Variants in NDST4 observed in about 807,000 individuals in gnomAD.
The protein encoded by NDST4 is N-deacetylase and N-sulfotransferase 4.
Under a neutral mutation model 100.8 loss-of-function variants are expected in NDST4, and 63 were observed. The observed-to-expected ratio is 0.62, with a 90% CI of 0.51 to 0.77. The LOEUF is 0.77. NDST4 is among the 30% of genes least tolerant of loss of function. The probability of loss-of-function intolerance (pLI) is 0.00; values close to 1 mark genes in which losing one functional copy is unlikely to be tolerated. For synonymous variants in NDST4, 377 were observed against 361.8 expected (o/e 1.04, Z -0.48); for missense variants, 943 against 1,018.4 (o/e 0.93, Z 1.01).
intron 7 of NDST4, among the ~76,000 whole-genome samples, chr4:114,858,351 A>G (rs1051646564): frequency 2.0e-5 from 3 of 152,200 alleles, no homozygotes; most frequent in Non-Finnish European, 4.4e-5. Context: ...CTCACAGAGT[A>G]TATGGCTCAT....
chr4:114,854,752 G>C (rs926014856), intron 7 of NDST4, among the ~76,000 whole-genome samples: 1 of 152,094 alleles, frequency 6.6e-6, no homozygotes, highest in African/African-American at 2.4e-5. Flanking sequence ...ACAGGCATGA[G>C]CCCGACCAAT....
intron 2 of NDST4, among the ~76,000 whole-genome samples, chr4:115,011,083 C>T (rs1292995661): frequency 6.6e-6 from 1 of 151,834 alleles, no homozygotes; most frequent in African/African-American, 2.4e-5. Flanking sequence ...CCCACAATAC[C>T]GAACAACTGA....
At chr4:114,874,838 C>T (rs1197423523) in intron 6 of NDST4, among the ~76,000 whole-genome samples, 1 of 148,312 alleles carries the variant, frequency 6.7e-6, no homozygotes, top group Non-Finnish European at 1.5e-5. Context: ...CTATTTTTTA[C>T]TGTTTATCTT....
At chr4:114,974,674 T>G (rs946894750) in intron 3 of NDST4, among the ~76,000 whole-genome samples, 2 of 152,142 alleles carry the variant, frequency 1.3e-5, no homozygotes, top group Non-Finnish European at 2.9e-5. Flanking sequence ...TTTTCCCATT[T>G]AACCTGCACT....
chr4:114,921,510 A>C (rs770783427), intron 6 of NDST4, among the ~76,000 whole-genome samples: 1 of 152,236 alleles, frequency 6.6e-6, no homozygotes, highest in Non-Finnish European at 1.5e-5. Flanking sequence ...ATATCATTTG[A>C]TGATAAAAAT....
chr4:114,906,536 G>A (rs1003864704), intron 6 of NDST4, among the ~76,000 whole-genome samples: 24 of 151,668 alleles, frequency 1.6e-4, no homozygotes, highest in Non-Finnish European at 3.4e-4. Context: ...AGTTAATTTC[G>A]CAGGCCTACC....
intron 4 of NDST4, among the ~76,000 whole-genome samples, chr4:114,964,652 T>A (rs1726340383): frequency 6.6e-6 from 1 of 152,196 alleles, no homozygotes; most frequent in Admixed American, 6.5e-5. Flanking sequence ...AATTTTTAAG[T>A]ACACAATATT....
At chr4:114,938,854 T>C (rs1478287538) in intron 4 of NDST4, among the ~76,000 whole-genome samples, 1 of 152,256 alleles carries the variant, frequency 6.6e-6, no homozygotes, top group African/African-American at 2.4e-5. Flanking sequence ...TCCTAACATC[T>C]GTTACAGTAA....
intron 4 of NDST4, among the ~76,000 whole-genome samples, chr4:114,966,039 A>C (rs1246707728): frequency 6.6e-6 from 1 of 152,052 alleles, no homozygotes; most frequent in Admixed American, 6.5e-5. Flanking sequence ...AAAAAGAACC[A>C]AAAAGTATTT....
chr4:114,970,128 C>A (rs780261210), intron 4 of NDST4, among the ~76,000 whole-genome samples: 9 of 147,728 alleles, frequency 6.1e-5, no homozygotes, highest in Non-Finnish European at 1.0e-4. Context: ...GAAAGTTGTA[C>A]TATTTTTTCA....
chr4:115,078,857 C>T (rs111620323), intron 1 of NDST4, among the ~76,000 whole-genome samples: 3,474 of 151,498 alleles, frequency 0.023, 139 homozygotes, highest in African/African-American at 0.08. Context: ...CCAACCCCCG[C>T]CCAAAAAAAG....
At chr4:114,863,554 T>C (rs950616222) in intron 7 of NDST4, among the ~76,000 whole-genome samples, 1 of 152,248 alleles carries the variant, frequency 6.6e-6, no homozygotes, top group Non-Finnish European at 1.5e-5. Context: ...TTATTTCCCT[T>C]TTCATTCTCC....
chr4:114,866,190 C>T (rs1724022205), intron 7 of NDST4, among the ~76,000 whole-genome samples: 2 of 152,238 alleles, frequency 1.3e-5, no homozygotes, highest in South Asian at 4.1e-4. Context: ...TATTCTCAGT[C>T]TCACTCACTC....
At chr4:114,947,673 A>C (rs1725895442) in intron 4 of NDST4, among the ~76,000 whole-genome samples, 1 of 152,110 alleles carries the variant, frequency 6.6e-6, no homozygotes, top group Admixed American at 6.6e-5. Flanking sequence ...AATGTGGAAA[A>C]AGAAGGTACT....
chr4:114,999,781 G>A (rs1203289242), intron 2 of NDST4, among the ~76,000 whole-genome samples: 1 of 151,928 alleles, frequency 6.6e-6, no homozygotes, highest in Non-Finnish European at 1.5e-5. Flanking sequence ...TGGAAGTCAG[G>A]AGGAAAGGAA....
chr4:114,944,968 G>T (rs1335993533), intron 4 of NDST4, among the ~76,000 whole-genome samples: 4 of 152,100 alleles, frequency 2.6e-5, no homozygotes, highest in Non-Finnish European at 4.4e-5. Flanking sequence ...CCTGCACTTT[G>T]GGAGGCCGAG....
chr4:114,951,615 C>T (rs901048461), intron 4 of NDST4, among the ~76,000 whole-genome samples: 2 of 152,014 alleles, frequency 1.3e-5, no homozygotes, highest in Non-Finnish European at 2.9e-5. Context: ...CTCATAAAAA[C>T]CTTTGGGGTA....
At chr4:114,923,185 G>A (rs1485657669) in intron 6 of NDST4, among the ~76,000 whole-genome samples, 1 of 152,104 alleles carries the variant, frequency 6.6e-6, no homozygotes, top group South Asian at 2.1e-4. Context: ...TAGCCACTTA[G>A]GGAAATGCTA....
chr4:114,932,079 G>C (rs1725527854), intron 6 of NDST4, among the ~76,000 whole-genome samples: 1 of 151,786 alleles, frequency 6.6e-6, no homozygotes, highest in Non-Finnish European at 1.5e-5. Context: ...GACAAACATA[G>C]AGACAAAAGT....
Sources: allele counts gnomAD v4.1 joint callset (sites outside exome capture counted in the v4.1 genomes callset), GRCh38; gene constraint gnomAD v4.1.1; transcripts MANE v1.5; gene names NCBI Gene and HGNC (gene_info 2026-07-23, HGNC 2026-07-21).